Variants in KIF13B observed in about 807,000 individuals in gnomAD.
KIF13B encodes the protein kinesin-like protein KIF13B.
In KIF13B, 127 loss-of-function variants were observed where a neutral mutation model predicts 222.0. The ratio of observed to expected loss-of-function variants is 0.57; its 90% CI spans 0.50 to 0.66. KIF13B has a LOEUF of 0.66. KIF13B is among the 30% of genes least tolerant of loss of function. KIF13B has a pLI of 0.00. For missense variants in KIF13B, 2,173 were observed against 2,379.0 expected (o/e 0.91, Z 1.80); for synonymous variants, 976 against 919.0 (o/e 1.06, Z -1.12).
At chr8:29,104,795 G>A (rs1218816501) in intron 35 of KIF13B, among the ~76,000 whole-genome samples, 1 of 151,808 alleles carries the variant, frequency 6.6e-6, no homozygotes, top group African/African-American at 2.4e-5. Flanking sequence ...CCAGGCTGGA[G>A]TGCAGTGGCG....
chr8:29,170,732 G>A (rs900103491), intron 10 of KIF13B, among the ~76,000 whole-genome samples: 1 of 152,174 alleles, frequency 6.6e-6, no homozygotes, highest in African/African-American at 2.4e-5. Context: ...AATAAAAAAA[G>A]TAAAAGGGGT....
intron 2 of KIF13B, among the ~76,000 whole-genome samples, chr8:29,213,518 G>A (rs774045071): frequency 3.3e-5 from 5 of 152,208 alleles, no homozygotes; most frequent in Non-Finnish European, 5.9e-5. Flanking sequence ...ACCATAGAAT[G>A]TATTTATACA....
rs11775056 is a variant in KIF13B, at chr8:29,070,288, T to G, written c.*216A>C. The G allele has an allele frequency of 0.64, 376,330 of 588,130 alleles. 128,341 individuals carry two copies. The highest frequency in any genetic ancestry group is 0.73 in the Non-Finnish European group (247,390 of 337,008). The allele number at this position is 588,130 out of a possible 1,614,324, so 36.4% of individuals were successfully genotyped here. A position where few individuals can be genotyped will look rare whatever the true frequency, so the allele number is the denominator to read the frequency against. ...GGGCACCCAGAACCTTCCATCCACCTGAGGAGGCACAGTTGAGGCCCCCAC... is the reference window on the plus strand; with the variant it reads ...GGGCACCCAGAACCTTCCATCCACCGGAGGAGGCACAGTTGAGGCCCCCAC... On this transcript the variant is annotated 3_prime_UTR_variant, in exon 40 of 40. Transcript: ENST00000524189. This position sits in a 1 kb window ranked among gnomAD's most constrained non-coding sequence, Gnocchi z 4.1.
At position 29,148,566 on chromosome 8, in the gene KIF13B, G is replaced by A. The variant is rs774917183; in HGVS notation, c.1813+11C>T. The A allele has an allele frequency of 5.6e-5, 89 of 1,577,752 alleles. No homozygotes were observed. Among genetic ancestry groups the A allele is most frequent in the Middle Eastern group, 5.2e-4 (3 of 5,810 alleles). On this transcript the variant is annotated intron_variant, in intron 16 of 39. Transcript: ENST00000524189. ...GGAACTGATTCTCAAGTGCACGCCC[G>A]ACTTGCTCACCATTGCTGCCCAGGG...
intron 32 of KIF13B, among the ~76,000 whole-genome samples, chr8:29,111,134 G>A (rs1809335676): frequency 6.6e-6 from 1 of 152,186 alleles, no homozygotes; most frequent in South Asian, 2.1e-4. Context: ...TCTGAGCCTT[G>A]TAATAACCAT....
chr8:29,261,821 G>C (rs1369758934), intron 1 of KIF13B, among the ~76,000 whole-genome samples: 1 of 152,066 alleles, frequency 6.6e-6, no homozygotes, highest in Non-Finnish European at 1.5e-5. Context: ...CTCCAAGCGA[G>C]AAACCAATTT....
intron 31 of KIF13B, among the ~76,000 whole-genome samples, chr8:29,116,029 G>A (rs1016813008): frequency 2.0e-5 from 3 of 152,172 alleles, no homozygotes; most frequent in African/African-American, 7.2e-5. Flanking sequence ...TGCCTGTTAC[G>A]TATCTACCTA....
At chr8:29,221,952 C>T (rs1563801910) in intron 2 of KIF13B, among the ~76,000 whole-genome samples, 1 of 152,062 alleles carries the variant, frequency 6.6e-6, no homozygotes, top group Non-Finnish European at 1.5e-5. Flanking sequence ...TCTATCTTTA[C>T]TTTTTTCCAT....
chr8:29,140,685 T>C, intron 19 of KIF13B, 68 bp from the exon 20 acceptor site: 2 of 1,346,008 alleles, frequency 1.5e-6, no homozygotes, highest in Non-Finnish European at 2.1e-6. Flanking sequence ...AACCTACTGC[T>C]TTTTGATGCA....
chr8:29,147,272 T>C lies in KIF13B; in HGVS notation c.2024+120A>G, dbSNP rs1054088286. The stretch of plus-strand genomic sequence containing the variant: ...AGTGGTTCTTGGCTGTTAACACTTA[T>C]CTTTTAACATAATTCTTTTGTAAGC... On this transcript the variant is annotated intron_variant, in intron 17 of 39. Coordinates refer to ENST00000524189, the MANE Select transcript of KIF13B (RefSeq NM_015254.4). The C allele has an allele frequency of 1.3e-5, 10 of 750,002 alleles. No homozygotes were observed. In the Admixed American group the frequency reaches 2.2e-4, roughly 17 times the overall value. The allele number at this position is 750,002 out of a possible 1,614,324, so 46.5% of individuals were successfully genotyped here.
chr8:29,072,224 T>C lies in KIF13B; in HGVS notation c.4614A>G (p.Pro1538=), dbSNP rs1586737768. The C allele has an allele frequency of 6.8e-7, 1 of 1,464,298 alleles. No homozygotes were observed. The highest frequency in any genetic ancestry group is 9.0e-7 in the Non-Finnish European group (1 of 1,110,272). 90.7% of individuals were successfully genotyped at this position (1,464,298 alleles called of 1,614,324 possible). A position where few individuals can be genotyped will look rare whatever the true frequency, so the allele number is the denominator to read the frequency against. Residue 1538 remains proline (P), a synonymous_variant, in exon 39 of 40, where the codon CCA becomes CCG. Coordinates refer to ENST00000524189, the MANE Select transcript of KIF13B (RefSeq NM_015254.4). ...ICDKPAKVPS[P]PPVIAVTAVT... ...CCGCTGTGACAGCTATGACAGGCGG[T>C]GGGGAAGGCACTTTGGCAGGTTTGT...
At chr8:29,184,093 G>C (rs891338196) in intron 6 of KIF13B, among the ~76,000 whole-genome samples, 1 of 151,632 alleles carries the variant, frequency 6.6e-6, no homozygotes, top group African/African-American at 2.4e-5. Flanking sequence ...TTTACTTCTC[G>C]CCCAGGATAT....
At chr8:29,077,868 CA>C (rs1159886943) in intron 37 of KIF13B, among the ~76,000 whole-genome samples, 1 of 152,128 alleles carries the variant, frequency 6.6e-6, no homozygotes, top group African/African-American at 2.4e-5. Flanking sequence ...CCAGGTGCCT[CA>C]GGCAACATCA....
At chr8:29,206,735 A>G (rs984816812) in intron 2 of KIF13B, among the ~76,000 whole-genome samples, 1 of 152,250 alleles carries the variant, frequency 6.6e-6, no homozygotes, top group African/African-American at 2.4e-5. Flanking sequence ...CTTGCCCTGC[A>G]AGAGCTTAAA....
Position 29,227,680 on chromosome 8 carries a change from G to A in KIF13B, c.149+17666C>T, listed in dbSNP as rs112693730. On this transcript the variant is annotated intron_variant, in intron 2 of 39. Coordinates refer to ENST00000524189, the MANE Select transcript of KIF13B (RefSeq NM_015254.4). ...ATTTCTGCTCCAGGCTGGCAGCAGC[G>A]GCTCACGCCTGTAATCCCAGGGCTT... 4.1e-3 allele frequency among the ~76,000 whole-genome samples: 624 copies of A among 152,290 alleles called. 6 individuals carry two copies. Among genetic ancestry groups the A allele is most frequent in the African/African-American group, 0.014 (583 of 41,540 alleles).
intron 35 of KIF13B, among the ~76,000 whole-genome samples, chr8:29,103,255 A>C (rs530374866): frequency 1.3e-5 from 2 of 152,020 alleles, no homozygotes; most frequent in Admixed American, 1.3e-4. Context: ...AAAAAAAAAA[A>C]AAAACAAGTA....
chr8:29,147,895 G>T (rs966566025), intron 16 of KIF13B, among the ~76,000 whole-genome samples: 10 of 152,190 alleles, frequency 6.6e-5, no homozygotes, highest in Admixed American at 1.3e-4. Context: ...TGACAGGCAA[G>T]TTTCTAAAGC....
intron 34 of KIF13B, among the ~76,000 whole-genome samples, 163 bp downstream of exon 34, chr8:29,109,271 A>G (rs1809241307): frequency 6.6e-6 from 1 of 152,236 alleles, no homozygotes; most frequent in South Asian, 2.1e-4. Context: ...ACAGGGGCAG[A>G]GGTGCACAGA....
At chr8:29,124,454 A>G (rs558057586) in intron 26 of KIF13B, among the ~76,000 whole-genome samples, 1 of 152,260 alleles carries the variant, frequency 6.6e-6, no homozygotes, top group East Asian at 1.9e-4. Context: ...GGACTCAATA[A>G]TCTTCCAATA....
Sources: allele counts gnomAD v4.1 joint callset (sites outside exome capture counted in the v4.1 genomes callset), GRCh38; gene constraint gnomAD v4.1.1; non-coding constraint Gnocchi (gnomAD v3.1); transcripts MANE v1.5; gene names NCBI Gene and HGNC (gene_info 2026-07-23, HGNC 2026-07-21).